The following VEGFC variants were observed in gnomAD, a reference collection of about 807,000 sequenced individuals.
VEGFC encodes the protein FLT4 ligand DHM.
VEGFC carries 12 observed loss-of-function variants against 46.1 expected under a neutral mutation model. The ratio of observed to expected loss-of-function variants is 0.26; its 90% CI spans 0.17 to 0.42. The LOEUF is 0.42. VEGFC is among the 10% of genes least tolerant of loss of function. The pLI is 1.00. For missense variants in VEGFC, 488 were observed against 529.4 expected (o/e 0.92, Z 0.77); for synonymous variants, 232 against 195.5 (o/e 1.19, Z -1.56).
intron 1 of VEGFC, among the ~76,000 whole-genome samples, chr4:176,755,367 T>C (rs1735415099): frequency 2.0e-5 from 3 of 152,052 alleles, no homozygotes; most frequent in Admixed American, 6.6e-5. Flanking sequence ...AACAAGACTT[T>C]TTGTATAAAT....
intron 1 of VEGFC, among the ~76,000 whole-genome samples, chr4:176,737,541 T>C (rs939461523): frequency 6.6e-6 from 1 of 150,840 alleles, no homozygotes; most frequent in Admixed American, 6.6e-5. Flanking sequence ...ATAAAAAGTT[T>C]GAAAAGAAAA....
chr4:176,720,656 A>C (rs1275335810), intron 3 of VEGFC, among the ~76,000 whole-genome samples: 1 of 151,960 alleles, frequency 6.6e-6, no homozygotes, highest in Non-Finnish European at 1.5e-5. Flanking sequence ...CCTGGCTAAC[A>C]TGGTGAAACC....
chr4:176,735,817 T>C (rs1030418863), intron 1 of VEGFC, among the ~76,000 whole-genome samples: 6 of 151,916 alleles, frequency 3.9e-5, no homozygotes, highest in African/African-American at 1.4e-4. Flanking sequence ...TAGGTCATTT[T>C]CAAAATCATC....
At chr4:176,737,885 T>C (rs1017367538) in intron 1 of VEGFC, among the ~76,000 whole-genome samples, 1 of 151,924 alleles carries the variant, frequency 6.6e-6, no homozygotes, top group African/African-American at 2.4e-5. Flanking sequence ...GATATTGTGG[T>C]ACATTCTTCA....
At chr4:176,691,013 A>G (rs984214048) in intron 4 of VEGFC, among the ~76,000 whole-genome samples, 2 of 152,228 alleles carry the variant, frequency 1.3e-5, no homozygotes, top group Admixed American at 6.5e-5. Context: ...GATATGTAAT[A>G]AAATACAAAC....
intron 6 of VEGFC, among the ~76,000 whole-genome samples, chr4:176,684,294 T>G (rs1733998289): frequency 1.3e-5 from 2 of 152,222 alleles, no homozygotes; most frequent in African/African-American, 4.8e-5. Flanking sequence ...AAGCATTAGT[T>G]CCTTTGAAGT....
chr4:176,705,366 G>A (rs1579096810), intron 4 of VEGFC, among the ~76,000 whole-genome samples: 1 of 152,094 alleles, frequency 6.6e-6, no homozygotes, highest in African/African-American at 2.4e-5. Flanking sequence ...AATAATCTGT[G>A]AGAACACCAA....
intron 1 of VEGFC, among the ~76,000 whole-genome samples, chr4:176,788,377 C>T (rs772632732): frequency 7.2e-5 from 11 of 152,316 alleles, no homozygotes; most frequent in Middle Eastern, 3.4e-3. Flanking sequence ...CAAAGTCACA[C>T]GCAGTGCTTT....
intron 4 of VEGFC, among the ~76,000 whole-genome samples, chr4:176,691,772 TA>T (rs1734184346): frequency 6.6e-6 from 1 of 152,074 alleles, no homozygotes; most frequent in Non-Finnish European, 1.5e-5. Flanking sequence ...CGTTGGGTAA[TA>T]ATTACCAGCT....
intron 4 of VEGFC, among the ~76,000 whole-genome samples, chr4:176,695,228 C>A (rs1734287336): frequency 6.6e-6 from 1 of 151,728 alleles, no homozygotes; most frequent in South Asian, 2.1e-4. Flanking sequence ...TGATAGACTG[C>A]TAGCAAGACT....
chr4:176,786,980 G>C (rs1025718631), intron 1 of VEGFC, among the ~76,000 whole-genome samples: 1 of 152,038 alleles, frequency 6.6e-6, no homozygotes, highest in Non-Finnish European at 1.5e-5. Flanking sequence ...AATTTTTCTG[G>C]AAACCAAGTG....
intron 4 of VEGFC, among the ~76,000 whole-genome samples, chr4:176,697,107 T>C (rs994832938): frequency 5.9e-5 from 9 of 151,828 alleles, no homozygotes; most frequent in African/African-American, 2.2e-4. Context: ...CCAAAAGCAA[T>C]GGCAACAAAA....
rs1232102029 is a variant in VEGFC, at chr4:176,792,091, G to A, written c.147+74C>T. On this transcript the variant is annotated intron_variant, in intron 1 of 6. Coordinates refer to ENST00000618562, the MANE Select transcript of VEGFC (RefSeq NM_005429.5). The surrounding 1 kb of genome is among the most constrained non-coding windows in gnomAD (Gnocchi z 6.3). ...GCTTAAAGCACACACACTTTCCCCC[G>A]CGCAGGTTCTCGGGTCCGCCGCAGA... The A allele has an allele frequency of 1.4e-6, 2 of 1,398,422 alleles. No homozygotes were observed. The highest frequency in any genetic ancestry group is 1.5e-5 in the African/African-American group (1 of 66,674). The allele number at this position is 1,398,422 out of a possible 1,614,324, so 86.6% of individuals were successfully genotyped here. A position where few individuals can be genotyped will look rare whatever the true frequency, so the allele number is the denominator to read the frequency against.
chr4:176,747,072 A>G (rs919554486), intron 1 of VEGFC, among the ~76,000 whole-genome samples: 2 of 152,096 alleles, frequency 1.3e-5, no homozygotes, highest in Non-Finnish European at 2.9e-5. Context: ...CATGTTTCCT[A>G]TTTACATAAT....
intron 3 of VEGFC, among the ~76,000 whole-genome samples, chr4:176,713,500 T>C (rs111777616): frequency 5.3e-5 from 8 of 152,256 alleles, no homozygotes; most frequent in African/African-American, 1.9e-4. Flanking sequence ...TTTATATTTG[T>C]ATAATTTATA....
intron 1 of VEGFC, among the ~76,000 whole-genome samples, chr4:176,780,391 A>C (rs1016814918): frequency 6.7e-6 from 1 of 148,596 alleles, no homozygotes. Context: ...CAAAAAAAAA[A>C]AAAAAAAACT....
At chr4:176,744,872 G>T (rs1208774435) in intron 1 of VEGFC, among the ~76,000 whole-genome samples, 1 of 152,006 alleles carries the variant, frequency 6.6e-6, no homozygotes, top group East Asian at 1.9e-4. Context: ...TATGATTTTT[G>T]CACTAATTAC....
chr4:176,792,431 C>T lies in VEGFC; in HGVS notation c.-120G>A, dbSNP rs913750147. ...TCTCCCCCGGGCTCCTCCCGGCGACCCCCCCTGGGCGAGCCGGAGGCGGCG... is the reference window on the plus strand; with the variant it reads ...TCTCCCCCGGGCTCCTCCCGGCGACTCCCCCTGGGCGAGCCGGAGGCGGCG... On this transcript the variant is annotated 5_prime_UTR_variant, in exon 1 of 7. Transcript: ENST00000618562. The surrounding 1 kb of genome is among the most constrained non-coding windows in gnomAD (Gnocchi z 6.3). 1.3e-6 allele frequency: 1 copy of T among 753,208 alleles called. No individual in the cohort carries two copies. Among genetic ancestry groups the T allele is most frequent in the Non-Finnish European group, 1.9e-6 (1 of 530,290 alleles). The allele number at this position is 753,208 out of a possible 1,614,324, so 46.7% of individuals were successfully genotyped here. A position where few individuals can be genotyped will look rare whatever the true frequency, so the allele number is the denominator to read the frequency against.
intron 1 of VEGFC, among the ~76,000 whole-genome samples, chr4:176,785,099 G>T (rs1348910643): frequency 6.6e-6 from 1 of 152,138 alleles, no homozygotes; most frequent in East Asian, 1.9e-4. Flanking sequence ...GAGTGCATAG[G>T]TTCTGCAGTT....
Sources: gnomAD v4.1 joint callset for allele counts (sites outside exome capture counted in the v4.1 genomes callset) on GRCh38, gnomAD v4.1.1 for gene constraint, Gnocchi (gnomAD v3.1) non-coding constraint, MANE v1.5 for transcripts, NCBI Gene and HGNC (gene_info 2026-07-23, HGNC 2026-07-21) for gene names.